Variants in NELL2 observed in about 807,000 individuals in gnomAD.
NELL2 encodes neural EGFL like 2, also known as protein kinase C-binding protein NELL2.
Under a neutral mutation model 109.6 loss-of-function variants are expected in NELL2, and 41 were observed. That is an observed-to-expected ratio of 0.37 (90% CI 0.29 to 0.49). NELL2 has a LOEUF of 0.49. Among genes scored for constraint, NELL2 ranks in the 20% least tolerant of loss-of-function variants. NELL2 has a pLI of 0.98. For missense variants in NELL2, 900 were observed against 1,008.3 expected, an observed-to-expected ratio of 0.89 and a Z score of 1.45; for synonymous variants, 355 against 344.7, an observed-to-expected ratio of 1.03 and a Z score of -0.33.
chr12:44,604,893 T>C (rs1478745250), intron 15 of NELL2, among the ~76,000 whole-genome samples: 2 of 152,048 alleles, frequency 1.3e-5, no homozygotes, highest in African/African-American at 2.4e-5. Context: ...CTGACCAGAA[T>C]AGAAAAAATG....
intron 2 of NELL2, among the ~76,000 whole-genome samples, chr12:44,865,982 CT>C (rs1422018924): frequency 7.9e-5 from 12 of 151,972 alleles, no homozygotes; most frequent in Admixed American, 7.9e-4. Context: ...GAGGTGGGGC[CT>C]TTTGGAAAGT....
intron 13 of NELL2, among the ~76,000 whole-genome samples, chr12:44,642,881 A>AAAAAC (rs1946914121): frequency 2.0e-5 from 3 of 152,286 alleles, no homozygotes; most frequent in Middle Eastern, 6.8e-3. Flanking sequence ...GATCCCTCTC[A>AAAAAC]AAAACAAAAC....
chr12:44,718,770 T>C (rs1048349858), intron 9 of NELL2, among the ~76,000 whole-genome samples: 5 of 152,180 alleles, frequency 3.3e-5, no homozygotes, highest in African/African-American at 9.7e-5. Flanking sequence ...CATTTTGAAA[T>C]CATATTAACC....
At chr12:44,901,896 G>A (rs767416541) in intron 1 of NELL2, among the ~76,000 whole-genome samples, 69 of 152,134 alleles carry the variant, frequency 4.5e-4, no homozygotes, top group Admixed American at 3.9e-4. Flanking sequence ...TTGATGGAAC[G>A]TATCTCAAAA....
At chr12:44,649,506 ACTTTTGGTGCTGTGTGT>A (rs1418506299) in intron 13 of NELL2, among the ~76,000 whole-genome samples, 3 of 152,188 alleles carry the variant, frequency 2.0e-5, no homozygotes, top group Admixed American at 2.0e-4. Flanking sequence ...GTCGGAATTC[ACTTTTGGTGCTGTGTGT>A]CCCCACATCC....
chr12:44,778,930 C>T (rs1428430660), intron 5 of NELL2, among the ~76,000 whole-genome samples: 1 of 152,096 alleles, frequency 6.6e-6, no homozygotes, highest in Non-Finnish European at 1.5e-5. Flanking sequence ...TGTGATCTAC[C>T]TTGAAATCTA....
At chr12:44,545,716 T>C (rs1195665103) in intron 15 of NELL2, among the ~76,000 whole-genome samples, 1 of 152,122 alleles carries the variant, frequency 6.6e-6, no homozygotes, top group East Asian at 1.9e-4. Flanking sequence ...ATTTACTACA[T>C]TGTGATCAAA....
chr12:44,514,836 T>C (rs1005610859), intron 19 of NELL2, among the ~76,000 whole-genome samples: 2 of 151,342 alleles, frequency 1.3e-5, no homozygotes, highest in African/African-American at 4.8e-5. Flanking sequence ...GTAAAATATA[T>C]TACTGTTTTA....
chr12:44,562,022 T>C (rs1276211247), intron 15 of NELL2, among the ~76,000 whole-genome samples: 1 of 151,932 alleles, frequency 6.6e-6, no homozygotes, highest in Non-Finnish European at 1.5e-5. Flanking sequence ...GTCACATATC[T>C]GTCAACATTC....
intron 3 of NELL2, among the ~76,000 whole-genome samples, chr12:44,791,183 C>CATAGATATAT (rs1284244565): frequency 1.3e-4 from 2 of 15,090 alleles, no homozygotes; most frequent in Admixed American, 1.1e-3. Flanking sequence ...AGTATTCCAT[C>CATAGATATAT]ATATATATAT....
At chr12:44,831,225 T>A (rs2136722751) in intron 2 of NELL2, among the ~76,000 whole-genome samples, 1 of 152,214 alleles carries the variant, frequency 6.6e-6, no homozygotes, top group Middle Eastern at 3.4e-3. Context: ...AGCTCTATAA[T>A]CTCTAGCGCT....
intron 9 of NELL2, among the ~76,000 whole-genome samples, chr12:44,734,681 G>C (rs1272341262): frequency 1.3e-5 from 2 of 151,230 alleles, no homozygotes; most frequent in Non-Finnish European, 3.0e-5. Flanking sequence ...GGGTCCTTTG[G>C]GATAATAGAA....
In NELL2 at chr12:44,913,759, CAG is replaced by C. The variant is rs1282504515; in HGVS notation, c.38+38_38+39del. On this transcript the variant is annotated intron_variant, in intron 1 of 20. Transcript: ENST00000333837. ...CTTAAAGAATTTTTAAAATGGTGTT[CAG>C]AGTTACCTTAAAATTAAAATGATAA... 9.2e-6 allele frequency: 7 copies of C among 761,924 alleles called. No individual in the cohort carries two copies. In the South Asian group the frequency reaches 1.2e-4, roughly 13 times the overall value. The allele number at this position is 761,924 out of a possible 1,614,324, so 47.2% of individuals were successfully genotyped here. A position where few individuals can be genotyped will look rare whatever the true frequency, so the allele number is the denominator to read the frequency against.
intron 11 of NELL2, among the ~76,000 whole-genome samples, chr12:44,705,239 T>C (rs1190500076): frequency 2.6e-5 from 4 of 152,104 alleles, no homozygotes; most frequent in Non-Finnish European, 1.5e-5. Flanking sequence ...TAAAATATTA[T>C]TGGTACAACT....
chr12:44,546,993 T>A (rs972877318), intron 15 of NELL2, among the ~76,000 whole-genome samples: 1 of 152,208 alleles, frequency 6.6e-6, no homozygotes, highest in South Asian at 2.1e-4. Flanking sequence ...TCATTGTTTC[T>A]ACACATTCAC....
intron 9 of NELL2, among the ~76,000 whole-genome samples, chr12:44,768,531 G>C (rs1037430860): frequency 1.3e-5 from 2 of 151,942 alleles, no homozygotes; most frequent in East Asian, 1.9e-4. Context: ...CTAATTCTAT[G>C]ATTTATTCAA....
intron 13 of NELL2, among the ~76,000 whole-genome samples, chr12:44,624,996 GTATATATA>G (rs3072882): frequency 0.011 from 810 of 71,120 alleles, 12 homozygotes; most frequent in African/African-American, 0.04. Flanking sequence ...ATATGTGTGT[GTATATATA>G]TATATATATA....
rs2139027527 is a variant in NELL2 at position 44,539,900 on chromosome 12, G to A, written c.1664-7179C>T. On this transcript the variant is annotated intron_variant, in intron 15 of 19. Coordinates refer to ENST00000429094, the MANE Select transcript of NELL2 (RefSeq NM_001145108.2). ...GTTTATAACAGCAAGTAAGTAAGTG[G>A]AACACTCACTATGCCACACTTGAGT... Among the ~76,000 whole-genome samples the A allele has an allele frequency of 2.0e-5, 3 of 152,280 alleles. 1 individual carries two copies. In the Middle Eastern group the frequency reaches 0.01, roughly 518 times the overall value.
chr12:44,809,302 TC>T (rs1220189716), intron 3 of NELL2, among the ~76,000 whole-genome samples: 1 of 152,110 alleles, frequency 6.6e-6, no homozygotes. Flanking sequence ...TTTATATTTT[TC>T]ATATTTCTCT....
Sources: gnomAD v4.1 joint callset for allele counts (sites outside exome capture counted in the v4.1 genomes callset) on GRCh38, gnomAD v4.1.1 for gene constraint, MANE v1.5 for transcripts, NCBI Gene and HGNC (gene_info 2026-07-23, HGNC 2026-07-21) for gene names.